The following ZSWIM6 variants were observed in gnomAD, a reference collection of about 807,000 sequenced individuals.
ZSWIM6 encodes zinc finger SWIM-type containing 6, also known as zinc finger SWIM domain-containing protein 6.
In ZSWIM6, 9 loss-of-function variants were observed where a neutral mutation model predicts 113.2. The observed-to-expected ratio is 0.08, with a 90% confidence interval of 0.05 to 0.14. ZSWIM6 has a LOEUF of 0.14. Among genes scored for constraint, ZSWIM6 ranks in the 10% least tolerant of loss-of-function variants. ZSWIM6 has a pLI of 1.00. For synonymous variants in ZSWIM6, 611 were observed against 606.5 expected (o/e 1.01, Z -0.11); for missense variants, 1,162 against 1,552.2 (o/e 0.75, Z 4.22).
chr5:61,358,954 C>T (rs1038367124), intron 1 of ZSWIM6, among the ~76,000 whole-genome samples: 3 of 152,162 alleles, frequency 2.0e-5, no homozygotes, highest in Middle Eastern at 3.2e-3. Flanking sequence ...TGAGGTTTTG[C>T]TGTCTGGGAA....
chr5:61,381,788 G>A (rs1048486925), intron 1 of ZSWIM6, among the ~76,000 whole-genome samples: 1 of 152,198 alleles, frequency 6.6e-6, no homozygotes, highest in Non-Finnish European at 1.5e-5. Context: ...GCAGTGTGGA[G>A]TGAATAGATC....
intron 1 of ZSWIM6, among the ~76,000 whole-genome samples, chr5:61,431,622 G>A (rs538092377): frequency 1.3e-5 from 2 of 149,688 alleles, no homozygotes; most frequent in Non-Finnish European, 3.0e-5. Context: ...GTGGGCGCCT[G>A]TAGTCCCAGC....
intron 9 of ZSWIM6, among the ~76,000 whole-genome samples, chr5:61,533,328 C>T (rs1440159281): frequency 6.6e-6 from 1 of 152,190 alleles, no homozygotes; most frequent in Non-Finnish European, 1.5e-5. Flanking sequence ...GTTCTTCGTG[C>T]AGTTATACTC....
intron 10 of ZSWIM6, 81 bp downstream of exon 10, chr5:61,535,700 A>G: frequency 6.7e-7 from 1 of 1,486,542 alleles, no homozygotes; most frequent in East Asian, 2.5e-5. Flanking sequence ...TTACTCCTTC[A>G]TGTTTCTTAT....
At chr5:61,523,554 A>G (rs1372551074) in intron 5 of ZSWIM6, among the ~76,000 whole-genome samples, 1 of 152,150 alleles carries the variant, frequency 6.6e-6, no homozygotes, top group Non-Finnish European at 1.5e-5. Context: ...ACTTTATGAA[A>G]AATTCTTACA....
chr5:61,541,527 G>A (rs1427669724), intron 12 of ZSWIM6, among the ~76,000 whole-genome samples: 1 of 152,040 alleles, frequency 6.6e-6, no homozygotes, highest in African/African-American at 2.4e-5. Flanking sequence ...ACTATGGAAT[G>A]TTAAATCTGG....
At chr5:61,473,678 A>G (rs1340961319) in intron 2 of ZSWIM6, among the ~76,000 whole-genome samples, 1 of 152,234 alleles carries the variant, frequency 6.6e-6, no homozygotes, top group Admixed American at 6.5e-5. Context: ...CACTTATTTC[A>G]TAGAGTACAT....
chr5:61,520,529 T>C (rs1023734007), intron 4 of ZSWIM6, among the ~76,000 whole-genome samples: 5 of 152,206 alleles, frequency 3.3e-5, no homozygotes, highest in African/African-American at 9.6e-5. Context: ...CATGAACATA[T>C]AAATTTAGTG....
At chr5:61,502,642 G>A (rs1367756128) in intron 4 of ZSWIM6, among the ~76,000 whole-genome samples, 8 of 152,168 alleles carry the variant, frequency 5.3e-5, no homozygotes, top group Non-Finnish European at 7.3e-5. Context: ...CCCCATCCCC[G>A]GACTGTGGAC....
At chr5:61,417,783 A>C (rs556531991) in intron 1 of ZSWIM6, among the ~76,000 whole-genome samples, 22 of 152,242 alleles carry the variant, frequency 1.4e-4, no homozygotes, top group African/African-American at 5.1e-4. Context: ...AGTTTTGGAG[A>C]ATGGGTAGAT....
At chr5:61,425,627 T>C (rs975894582) in intron 1 of ZSWIM6, among the ~76,000 whole-genome samples, 2 of 152,202 alleles carry the variant, frequency 1.3e-5, no homozygotes, top group Non-Finnish European at 2.9e-5. Flanking sequence ...AGGAGTAAGA[T>C]TAACTTTTGT....
At chr5:61,414,449 T>C (rs990472704) in intron 1 of ZSWIM6, among the ~76,000 whole-genome samples, 1 of 152,192 alleles carries the variant, frequency 6.6e-6, no homozygotes, top group South Asian at 2.1e-4. Context: ...GAGTCTGAGC[T>C]ATGCAGTAGA....
intron 12 of ZSWIM6, among the ~76,000 whole-genome samples, chr5:61,541,671 C>G (rs1280498849): frequency 6.6e-6 from 1 of 152,304 alleles, no homozygotes. Context: ...ATATGGGCCT[C>G]TTGCCAGGAG....
intron 1 of ZSWIM6, among the ~76,000 whole-genome samples, chr5:61,369,086 T>C (rs372585085): frequency 6.6e-6 from 1 of 152,260 alleles, no homozygotes; most frequent in Admixed American, 6.5e-5. Context: ...ATAGAGTGTT[T>C]ACACACATAT....
intron 4 of ZSWIM6, among the ~76,000 whole-genome samples, chr5:61,518,965 A>G (rs985136825): frequency 6.6e-6 from 1 of 151,824 alleles, no homozygotes; most frequent in African/African-American, 2.4e-5. Flanking sequence ...TGATTTTTGT[A>G]TAAGGTGTAA....
At chr5:61,468,120 T>A (rs1305104721) in intron 1 of ZSWIM6, among the ~76,000 whole-genome samples, 1 of 152,242 alleles carries the variant, frequency 6.6e-6, no homozygotes, top group African/African-American at 2.4e-5. Context: ...GAGGTATTTC[T>A]AGCCACATTT....
rs1003702418 is a variant in ZSWIM6 at position 61,375,033 on chromosome 5, C to A, written c.676+42085C>A. The A allele has an allele frequency of 3.1e-6, 4 of 1,300,364 alleles. No individual in the cohort carries two copies. The South Asian group carries it at 4.9e-5, about 16-fold the overall frequency. The allele number at this position is 1,300,364 out of a possible 1,614,324, so 80.6% of individuals were successfully genotyped here. ...AAAGAAGAGTAATGAGAGGTGGGAC[C>A]AAGTCTATAAGATATTAAAGGGTAA... On this transcript the variant is annotated intron_variant, in intron 1 of 13. Transcript: ENST00000252744.
chr5:61,403,633 TGGAAAA>T (rs1745983741), intron 1 of ZSWIM6, among the ~76,000 whole-genome samples: 1 of 152,170 alleles, frequency 6.6e-6, no homozygotes, highest in Non-Finnish European at 1.5e-5. Flanking sequence ...AAAGCACACT[TGGAAAA>T]GAAAAGAGAA....
Position 61,525,877 on chromosome 5 carries a change from T to C in ZSWIM6, c.1591T>C (p.Leu531=). 1 of 1,551,938 alleles carries C rather than the reference T, an allele frequency of 6.4e-7. No homozygotes were observed. Among genetic ancestry groups the C allele is most frequent in the South Asian group, 1.2e-5 (1 of 84,060 alleles). ...CGATCTCCACTGGCAGGATAGCCAC[T>C]TGCAGCACATTATCAGCAGTGACCT... ...ACDLHWQDSH[L]QHIISSDLYT... Residue 531 remains leucine (L), a synonymous_variant, in exon 6 of 14, where the codon TTG becomes CTG. Coordinates refer to ENST00000252744, the MANE Select transcript of ZSWIM6 (RefSeq NM_020928.2).
Sources: gnomAD v4.1 joint callset for allele counts (sites outside exome capture counted in the v4.1 genomes callset) on GRCh38, gnomAD v4.1.1 for gene constraint, MANE v1.5 for transcripts, NCBI Gene and HGNC (gene_info 2026-07-23, HGNC 2026-07-21) for gene names.